The following SNTG1 variants were observed in gnomAD, a reference collection of about 807,000 sequenced individuals.
The protein encoded by SNTG1 is syntrophin gamma 1.
In SNTG1, 39 loss-of-function variants were observed where a neutral mutation model predicts 74.7. The observed-to-expected ratio is 0.52, with a 90% CI of 0.40 to 0.68. The LOEUF (loss-of-function observed/expected upper bound fraction) is 0.68, where lower values mean the gene tolerates loss of function less well. SNTG1 is among the 30% of genes least tolerant of loss of function. The pLI is 0.00. For synonymous variants in SNTG1, 254 were observed against 217.1 expected (o/e 1.17, Z -1.49); for missense variants, 685 against 609.5 (o/e 1.12, Z -1.30).
At chr8:50,536,501 A>C (rs1445875620) in intron 10 of SNTG1, among the ~76,000 whole-genome samples, 177 bp from the exon 11 acceptor site, 3 of 152,230 alleles carry the variant, frequency 2.0e-5, no homozygotes, top group Admixed American at 2.0e-4. Flanking sequence ...CTGTTAATAA[A>C]TAAGTTAACC....
intron 2 of SNTG1, among the ~76,000 whole-genome samples, chr8:50,213,051 T>G (rs990537567): frequency 9.2e-5 from 14 of 152,220 alleles, no homozygotes; most frequent in Admixed American, 2.0e-4. Flanking sequence ...TTGCCTGCTA[T>G]GCATTCCCTT....
intron 9 of SNTG1, among the ~76,000 whole-genome samples, chr8:50,513,880 C>T (rs532946168): frequency 3.9e-5 from 6 of 152,206 alleles, no homozygotes; most frequent in Non-Finnish European, 7.3e-5. Context: ...GGCAATGCCT[C>T]GCCCTGCTTC....
At chr8:50,327,732 A>AT (rs1229352821) in intron 2 of SNTG1, among the ~76,000 whole-genome samples, 1 of 151,590 alleles carries the variant, frequency 6.6e-6, no homozygotes, top group East Asian at 1.9e-4. Flanking sequence ...TCTTTGTTTC[A>AT]TTTTTGTCTT....
intron 2 of SNTG1, among the ~76,000 whole-genome samples, chr8:50,287,172 C>G (rs539129171): frequency 6.6e-6 from 1 of 152,030 alleles, no homozygotes; most frequent in Admixed American, 6.6e-5. Context: ...TGAGCTATTA[C>G]GTCCATCTGT....
chr8:50,558,534 G>A (rs2094469446), intron 12 of SNTG1, among the ~76,000 whole-genome samples: 1 of 152,032 alleles, frequency 6.6e-6, no homozygotes, highest in African/African-American at 2.4e-5. Context: ...TTTCAAAAAA[G>A]TTCTTGCTAT....
At chr8:50,638,924 G>A (rs2095055609) in intron 13 of SNTG1, among the ~76,000 whole-genome samples, 1 of 151,996 alleles carries the variant, frequency 6.6e-6, no homozygotes, top group Admixed American at 6.6e-5. Context: ...TAGACCCAAA[G>A]CTATCACTGT....
intron 8 of SNTG1, among the ~76,000 whole-genome samples, chr8:50,482,987 T>C (rs1294274269): frequency 7.2e-5 from 11 of 152,212 alleles, no homozygotes; most frequent in Admixed American, 7.2e-4. Flanking sequence ...TTTGGGACTC[T>C]CTTGGAAAAG....
Position 50,289,939 on chromosome 8 carries a change from T to C in SNTG1, c.-27-104273T>C, listed in dbSNP as rs539840861. Among the ~76,000 whole-genome samples, 6 of 152,244 alleles carry C rather than the reference T, an allele frequency of 3.9e-5. No individual in the cohort carries two copies. In the South Asian group the frequency reaches 8.3e-4, roughly 21 times the overall value. ...AGTAGGCTTTGGATTCCGCAGAATG[T>C]CATCACAGAATTTGATTGGGCATCT... On this transcript the variant is annotated intron_variant, in intron 2 of 18. Transcript: ENST00000642720.
At chr8:50,424,407 A>G (rs2093136177) in intron 4 of SNTG1, among the ~76,000 whole-genome samples, 1 of 152,224 alleles carries the variant, frequency 6.6e-6, no homozygotes, top group Non-Finnish European at 1.5e-5. Flanking sequence ...TACCAATCAA[A>G]AATCTAGCCA....
chr8:50,039,341 G>A (rs550698695), intron 1 of SNTG1, among the ~76,000 whole-genome samples: 48 of 150,998 alleles, frequency 3.2e-4, no homozygotes, highest in African/African-American at 1.1e-3. Context: ...TGTAGTCCCA[G>A]CTACTCAGGA....
At chr8:50,067,033 C>T (rs1004137721) in intron 1 of SNTG1, among the ~76,000 whole-genome samples, 2 of 151,308 alleles carry the variant, frequency 1.3e-5, no homozygotes, top group Non-Finnish European at 3.0e-5. Flanking sequence ...CTTTTCTTTT[C>T]TTTTTTTTTG....
At chr8:49,942,323 A>T (rs1428531832) in intron 1 of SNTG1, among the ~76,000 whole-genome samples, 2 of 152,282 alleles carry the variant, frequency 1.3e-5, no homozygotes, top group East Asian at 3.9e-4. Context: ...TTTCAAAATA[A>T]ATTTTATTTT....
intron 1 of SNTG1, among the ~76,000 whole-genome samples, chr8:50,030,440 T>A (rs1817646450): frequency 6.6e-6 from 1 of 152,072 alleles, no homozygotes; most frequent in Non-Finnish European, 1.5e-5. Context: ...TCCCAAAGAT[T>A]TCCTGTGTTT....
intron 1 of SNTG1, among the ~76,000 whole-genome samples, chr8:50,115,567 CAAAAAAAAAAA>C (rs11386539): frequency 2.5e-5 from 1 of 40,520 alleles, no homozygotes; most frequent in African/African-American, 6.7e-5. Context: ...GACTCTGTCT[CAAAAAAAAAAA>C]AAAAAAAAAC....
chr8:50,075,781 A>G (rs1419069092), intron 1 of SNTG1, among the ~76,000 whole-genome samples: 3 of 152,128 alleles, frequency 2.0e-5, no homozygotes, highest in Non-Finnish European at 2.9e-5. Flanking sequence ...AGGAATGAAC[A>G]ACTCCAGACG....
In SNTG1 at chr8:50,313,156, A is replaced by G. The variant is rs577074630; in HGVS notation, c.-27-81056A>G. 4.0e-5 allele frequency among the ~76,000 whole-genome samples: 6 copies of G among 150,026 alleles called. No homozygotes were observed. The East Asian group carries it at 1.2e-3, about 30-fold the overall frequency. ...CCCTTATCTCACCCCATATACAAGAATCGACTAAAAATGGAGTATAGTCTG... is the reference window on the plus strand; with the variant it reads ...CCCTTATCTCACCCCATATACAAGAGTCGACTAAAAATGGAGTATAGTCTG... On this transcript the variant is annotated intron_variant, in intron 2 of 18. Transcript: ENST00000642720.
chr8:50,241,973 G>A (rs925949838), intron 2 of SNTG1, among the ~76,000 whole-genome samples: 2 of 151,656 alleles, frequency 1.3e-5, no homozygotes, highest in Middle Eastern at 3.2e-3. Context: ...GGGGGATTTA[G>A]GCTGATACTT....
intron 2 of SNTG1, among the ~76,000 whole-genome samples, chr8:50,294,826 C>T (rs2130599183): frequency 6.6e-6 from 1 of 152,326 alleles, no homozygotes; most frequent in African/African-American, 2.4e-5. Flanking sequence ...ATTTTCTTAT[C>T]AGTGCCAGCA....
At chr8:50,442,701 A>G (rs1410830438) in intron 5 of SNTG1, among the ~76,000 whole-genome samples, 2 of 151,512 alleles carry the variant, frequency 1.3e-5, no homozygotes, top group Non-Finnish European at 2.9e-5. Flanking sequence ...AAAAAAAAAA[A>G]AAAAAATCAA....
Sources: allele counts gnomAD v4.1 joint callset (sites outside exome capture counted in the v4.1 genomes callset), GRCh38; gene constraint gnomAD v4.1.1; transcripts MANE v1.5; gene names NCBI Gene and HGNC (gene_info 2026-07-23, HGNC 2026-07-21).